The following STXBP4 variants were observed in gnomAD, a reference collection of about 807,000 sequenced individuals.
STXBP4 encodes syntaxin binding protein 4.
In STXBP4, 55 loss-of-function variants were observed where a neutral mutation model predicts 76.1. The ratio of observed to expected loss-of-function variants is 0.72; its 90% confidence interval spans 0.58 to 0.91. STXBP4 has a LOEUF of 0.91. STXBP4 is among the 40% of genes least tolerant of loss of function. The pLI is 0.00. For synonymous variants in STXBP4, 201 were observed against 220.2 expected (o/e 0.91, Z 0.77); for missense variants, 618 against 636.9 (o/e 0.97, Z 0.32).
intron 8 of STXBP4, among the ~76,000 whole-genome samples, chr17:55,023,542 T>C (rs988828739): frequency 6.6e-6 from 1 of 152,148 alleles, no homozygotes; most frequent in Non-Finnish European, 1.5e-5. Context: ...GTGTGGACAA[T>C]TTGTGGTGTT....
the STXBP4 span, among the ~76,000 whole-genome samples, chr17:55,209,210 C>T: frequency 1.3e-5 from 2 of 152,112 alleles, no homozygotes; most frequent in East Asian, 1.9e-4. Flanking sequence ...CCACTTTTGA[C>T]GGACAGATAG....
At chr17:55,124,380 T>C (rs2079881675) in intron 16 of STXBP4, among the ~76,000 whole-genome samples, 1 of 152,212 alleles carries the variant, frequency 6.6e-6, no homozygotes, top group East Asian at 1.9e-4. Context: ...TAAAGGCATT[T>C]GCAGAATAGA....
chr17:55,098,162 A>G (rs1444256775), intron 16 of STXBP4, among the ~76,000 whole-genome samples: 1 of 152,192 alleles, frequency 6.6e-6, no homozygotes, highest in African/African-American at 2.4e-5. Flanking sequence ...GTCGATTTAT[A>G]TGATCTATCG....
chr17:54,980,924 G>T (rs1232483882), intron 1 of STXBP4, among the ~76,000 whole-genome samples: 1 of 117,420 alleles, frequency 8.5e-6, no homozygotes, highest in African/African-American at 3.0e-5. Context: ...TAAAACATGA[G>T]ATTTTTTTGC....
chr17:55,152,421 T>C (rs2080226603), intron 17 of STXBP4, among the ~76,000 whole-genome samples: 1 of 152,228 alleles, frequency 6.6e-6, no homozygotes, highest in African/African-American at 2.4e-5. Context: ...TAACAATTCT[T>C]ATGCATTTCG....
At chr17:55,159,339 G>A (rs2080315394) in intron 17 of STXBP4, among the ~76,000 whole-genome samples, 1 of 152,220 alleles carries the variant, frequency 6.6e-6, no homozygotes, top group Non-Finnish European at 1.5e-5. Flanking sequence ...TGAATGTTTA[G>A]CAAGTGAGTA....
chr17:55,023,514 G>A (rs1366913328), intron 8 of STXBP4, among the ~76,000 whole-genome samples: 2 of 152,212 alleles, frequency 1.3e-5, no homozygotes, highest in South Asian at 2.1e-4. Flanking sequence ...GAAAGCAAAG[G>A]TGTGGACTCA....
intron 8 of STXBP4, among the ~76,000 whole-genome samples, chr17:55,022,160 G>A (rs2078324644): frequency 6.6e-6 from 1 of 151,428 alleles, no homozygotes; most frequent in African/African-American, 2.4e-5. Context: ...AATCCTGAAA[G>A]CTTTATATAC....
the STXBP4 span, among the ~76,000 whole-genome samples, chr17:55,204,833 C>CACACACAT: frequency 0.06 from 7,408 of 123,160 alleles, 377 homozygotes; most frequent in East Asian, 0.27. Flanking sequence ...CACACACACA[C>CACACACAT]ACACACACAC....
chr17:55,070,916 A>G (rs2079111383), intron 12 of STXBP4, among the ~76,000 whole-genome samples: 1 of 152,170 alleles, frequency 6.6e-6, no homozygotes, highest in Non-Finnish European at 1.5e-5. Flanking sequence ...AGGAGAGGTT[A>G]TCTTTTACCC....
At chr17:55,141,863 A>G (rs2145151898) in intron 17 of STXBP4, among the ~76,000 whole-genome samples, 1 of 152,298 alleles carries the variant, frequency 6.6e-6, no homozygotes, top group East Asian at 1.9e-4. Flanking sequence ...TGGTTTCTTG[A>G]TAGCATAGAA....
At chr17:55,063,784 ATTTTC>A (rs1342847796) in intron 12 of STXBP4, among the ~76,000 whole-genome samples, 6 of 152,286 alleles carry the variant, frequency 3.9e-5, no homozygotes, top group Non-Finnish European at 7.4e-5. Flanking sequence ...ACTCCCCATA[ATTTTC>A]TTTGCTTTAC....
At position 55,081,264 on chromosome 17, in the gene STXBP4, A is replaced by G. The variant is rs371577476; in HGVS notation, c.1489+81A>G. 1.5e-5 allele frequency: 18 copies of G among 1,196,106 alleles called. No homozygotes were observed. The East Asian group carries it at 2.2e-4, about 15-fold the overall frequency. The allele number at this position is 1,196,106 out of a possible 1,614,324, so 74.1% of individuals were successfully genotyped here. A position where few individuals can be genotyped will look rare whatever the true frequency, so the allele number is the denominator to read the frequency against. On this transcript the variant is annotated intron_variant, in intron 16 of 17. Coordinates refer to ENST00000376352, the MANE Select transcript of STXBP4 (RefSeq NM_178509.6). ...TGAAGTCAGACAGTTGAATTTCGTT[A>G]TAGTGGCTTGCCTACAGCAAAGTTG...
At chr17:55,121,606 T>C (rs1051701159) in intron 16 of STXBP4, among the ~76,000 whole-genome samples, 2 of 152,164 alleles carry the variant, frequency 1.3e-5, no homozygotes, top group East Asian at 3.9e-4. Flanking sequence ...TTCTGTTGTC[T>C]TTTTGTTTTT....
intron 16 of STXBP4, among the ~76,000 whole-genome samples, chr17:55,110,030 C>T (rs1384499235): frequency 2.0e-5 from 3 of 152,180 alleles, no homozygotes; most frequent in African/African-American, 7.2e-5. Flanking sequence ...ACCAAGGTGT[C>T]AGCAAAGCTG....
chr17:55,104,133 G>A (rs1033391914), intron 16 of STXBP4, among the ~76,000 whole-genome samples: 10 of 152,244 alleles, frequency 6.6e-5, no homozygotes, highest in Middle Eastern at 3.4e-3. Flanking sequence ...TCTCTTGCCT[G>A]ATTTTCCTAG....
In STXBP4 at chr17:55,152,577, G is replaced by C. The variant is rs1407038431; in HGVS notation, c.1548-7220G>C. 2.0e-5 allele frequency among the ~76,000 whole-genome samples: 3 copies of C among 152,128 alleles called. No individual in the cohort carries two copies. The East Asian group carries it at 5.8e-4, about 29-fold the overall frequency. On this transcript the variant is annotated intron_variant, in intron 17 of 17. Coordinates refer to ENST00000376352, the MANE Select transcript of STXBP4 (RefSeq NM_178509.6). ...ACAATCATGGCAGAAGGGGAAGCAG[G>C]CACCTTCTTCACAAGGCAGCAGGAG...
intron 16 of STXBP4, among the ~76,000 whole-genome samples, chr17:55,111,193 C>T (rs1164311983): frequency 6.6e-6 from 1 of 152,154 alleles, no homozygotes; most frequent in Non-Finnish European, 1.5e-5. Context: ...GACCATGTCA[C>T]TCCCCTGGTC....
chr17:55,197,658 C>T, the STXBP4 span, among the ~76,000 whole-genome samples: 1 of 151,890 alleles, frequency 6.6e-6, no homozygotes, highest in Non-Finnish European at 1.5e-5. Context: ...CAGGAGAATG[C>T]CGTGAACTGG....
Sources: allele counts gnomAD v4.1 joint callset (sites outside exome capture counted in the v4.1 genomes callset), GRCh38; gene constraint gnomAD v4.1.1; transcripts MANE v1.5; gene names NCBI Gene and HGNC (gene_info 2026-07-23, HGNC 2026-07-21).